The following NXPE4 variants were observed in gnomAD, a reference collection of about 807,000 sequenced individuals.
The protein encoded by NXPE4 is NXPE family member 4.
NXPE4 carries 42 observed loss-of-function variants against 33.3 expected under a neutral mutation model. The ratio of observed to expected loss-of-function variants is 1.26; its 90% CI spans 0.98 to 1.63. The LOEUF (loss-of-function observed/expected upper bound fraction) is 1.63. Ranked by LOEUF, NXPE4 falls within the 40% of genes most tolerant of loss-of-function variation. The pLI is 0.00. For missense variants in NXPE4, 709 were observed against 647.6 expected (o/e 1.09, Z -1.03); for synonymous variants, 253 against 234.9 (o/e 1.08, Z -0.71).
the NXPE4 span, among the ~76,000 whole-genome samples, chr11:114,618,986 A>G: frequency 6.6e-6 from 1 of 152,066 alleles, no homozygotes; most frequent in Non-Finnish European, 1.5e-5. Flanking sequence ...CTGGTGGATA[A>G]TAGGTATTGC....
chr11:114,613,468 A>G, the NXPE4 span, among the ~76,000 whole-genome samples: 1 of 151,932 alleles, frequency 6.6e-6, no homozygotes, highest in South Asian at 2.1e-4. Flanking sequence ...CTGCTGCATA[A>G]TAAGTATTGC....
chr11:114,620,269 G>T, the NXPE4 span, among the ~76,000 whole-genome samples: 1 of 152,044 alleles, frequency 6.6e-6, no homozygotes, highest in Non-Finnish European at 1.5e-5. Flanking sequence ...GGTAACTACG[G>T]TTACCCGGTG....
chr11:114,625,360 T>C, the NXPE4 span, among the ~76,000 whole-genome samples: 5 of 152,118 alleles, frequency 3.3e-5, no homozygotes, highest in Non-Finnish European at 7.4e-5. Context: ...ATAATAAGTA[T>C]TGCCTCTTGG....
intron 2 of NXPE4, among the ~76,000 whole-genome samples, chr11:114,591,272 A>T (rs1395969170): frequency 6.6e-6 from 1 of 152,168 alleles, no homozygotes; most frequent in East Asian, 1.9e-4. Context: ...ATTTACATTG[A>T]CTCCAAGTAT....
the NXPE4 span, among the ~76,000 whole-genome samples, chr11:114,603,677 A>T: frequency 6.6e-6 from 1 of 151,276 alleles, no homozygotes; most frequent in Non-Finnish European, 1.5e-5. Context: ...TCTCTTGGGT[A>T]ACTCCTATTA....
intron 5 of NXPE4, among the ~76,000 whole-genome samples, chr11:114,578,974 A>G (rs1340994859): frequency 6.6e-6 from 1 of 152,166 alleles, no homozygotes; most frequent in Non-Finnish European, 1.5e-5. Context: ...TCTTCTATAC[A>G]GACTTGTACT....
At chr11:114,628,166 G>A in the NXPE4 span, among the ~76,000 whole-genome samples, 6 of 143,724 alleles carry the variant, frequency 4.2e-5, no homozygotes, top group African/African-American at 1.6e-4. Flanking sequence ...TGCACCAAGT[G>A]GACCTAATAG....
the NXPE4 span, among the ~76,000 whole-genome samples, chr11:114,605,499 T>G: frequency 6.6e-6 from 1 of 151,822 alleles, no homozygotes; most frequent in Non-Finnish European, 1.5e-5. Context: ...GGATAATAAG[T>G]GTTGCCCCGT....
intron 5 of NXPE4, among the ~76,000 whole-genome samples, chr11:114,574,924 A>G (rs1948963795): frequency 6.6e-6 from 1 of 152,150 alleles, no homozygotes; most frequent in African/African-American, 2.4e-5. Flanking sequence ...CCTTATGAAC[A>G]TAGATGCTAA....
the NXPE4 span, among the ~76,000 whole-genome samples, chr11:114,648,799 C>T: frequency 1.3e-5 from 2 of 152,156 alleles, no homozygotes; most frequent in African/African-American, 4.8e-5. Context: ...GTGATGTTTA[C>T]TCTTCTTGAT....
chr11:114,578,127 T>C (rs990674253), intron 5 of NXPE4, among the ~76,000 whole-genome samples: 2 of 152,200 alleles, frequency 1.3e-5, no homozygotes, highest in African/African-American at 4.8e-5. Flanking sequence ...GGAGGATTAT[T>C]GATGCTTTGT....
chr11:114,581,256 AT>A (rs1045417411), intron 4 of NXPE4, among the ~76,000 whole-genome samples: 1 of 152,162 alleles, frequency 6.6e-6, no homozygotes, highest in African/African-American at 2.4e-5. Flanking sequence ...TGCAAGTTCT[AT>A]TTTTTATGCT....
chr11:114,670,015 A>C, the NXPE4 span, among the ~76,000 whole-genome samples: 5 of 152,056 alleles, frequency 3.3e-5, no homozygotes, highest in Non-Finnish European at 7.4e-5. Flanking sequence ...CAACTAATTT[A>C]CCAGAGGAAA....
the NXPE4 span, among the ~76,000 whole-genome samples, chr11:114,652,538 G>A: frequency 4.6e-5 from 7 of 152,310 alleles, no homozygotes; most frequent in African/African-American, 9.6e-5. Context: ...CTGTTTTGAG[G>A]ATTAAAAGAG....
the NXPE4 span, among the ~76,000 whole-genome samples, chr11:114,630,827 G>GA: frequency 1.3e-5 from 2 of 151,500 alleles, no homozygotes; most frequent in Non-Finnish European, 2.9e-5. Flanking sequence ...AAATTTACAA[G>GA]AAAAAAACAA....
the NXPE4 span, among the ~76,000 whole-genome samples, chr11:114,633,145 T>C: frequency 2.1e-3 from 262 of 126,208 alleles, 1 homozygote; most frequent in African/African-American, 7.7e-3. Flanking sequence ...TATATTATTT[T>C]ATATATTTGG....
At chr11:114,600,715 A>C (rs1020409134), upstream of NXPE4, among the ~76,000 whole-genome samples, 5 of 152,044 alleles carry the variant, frequency 3.3e-5, no homozygotes, top group African/African-American at 1.2e-4. Flanking sequence ...AGTAAAATCC[A>C]AAAAAAGTCT....
At chr11:114,599,285 C>G (rs112643732), upstream of NXPE4, among the ~76,000 whole-genome samples, 1 of 152,300 alleles carries the variant, frequency 6.6e-6, no homozygotes, top group Non-Finnish European at 1.5e-5. Context: ...TCCTCATCTC[C>G]TTCTGAGACC....
At chr11:114,572,622 A>G (rs531625640) in intron 5 of NXPE4, among the ~76,000 whole-genome samples, 14 of 152,310 alleles carry the variant, frequency 9.2e-5, no homozygotes, top group African/African-American at 3.4e-4. Context: ...AGAACCTCAG[A>G]GCTAGAAGAC....
Sources: allele counts gnomAD v4.1 joint callset (sites outside exome capture counted in the v4.1 genomes callset), GRCh38; gene constraint gnomAD v4.1.1; transcripts MANE v1.5; gene names NCBI Gene and HGNC (gene_info 2026-07-23, HGNC 2026-07-21).